The following NADK2 variants were observed in gnomAD, a reference collection of about 807,000 sequenced individuals.
NADK2 encodes NAD kinase 2, mitochondrial.
NADK2 carries 35 observed loss-of-function variants against 62.1 expected under a neutral mutation model. The observed-to-expected ratio is 0.56, with a 90% confidence interval of 0.43 to 0.75. The LOEUF is 0.75. NADK2 is among the 30% of genes least tolerant of loss of function. The pLI, the probability that NADK2 is intolerant of heterozygous loss-of-function variation, is 0.00. For missense variants in NADK2, 439 were observed against 561.3 expected (o/e 0.78, Z 2.20); for synonymous variants, 205 against 207.9 (o/e 0.99, Z 0.12).
In NADK2 at chr5:36,241,741, C is replaced by T. The variant is rs1748140962; in HGVS notation, c.58G>A (p.Ala20Thr). ...GSCCRVAGGRAAALRGPGAGG... is the reference protein window; with the variant it reads ...GSCCRVAGGRTAALRGPGAGG... ...GCACCCGGTCCCCGCAGCGCCGCCG[C>T]CCGGCCGCCCGCCACGCGACAACAG... is the stretch of plus-strand genomic sequence containing the variant. The change falls in exon 1 of 12, where the codon GCG (alanine) becomes ACG (threonine). Residue 20 changes from alanine to threonine, a missense_variant. Ala to Thr is a moderately conservative substitution (Grantham distance 58). Transcript: ENST00000381937. This position sits in a 1 kb window ranked among gnomAD's most constrained non-coding sequence, Gnocchi z 4.9. 2 of 1,292,916 alleles carry T rather than the reference C, an allele frequency of 1.5e-6. No individual in the cohort carries two copies. Among genetic ancestry groups the T allele is most frequent in the African/African-American group, 1.6e-5 (1 of 63,878 alleles). The allele number at this position is 1,292,916 out of a possible 1,614,324, so 80.1% of individuals were successfully genotyped here. A position where few individuals can be genotyped will look rare whatever the true frequency, so the allele number is the denominator to read the frequency against.
chr5:36,231,664 A>G (rs1250457409), intron 1 of NADK2, among the ~76,000 whole-genome samples: 1 of 152,198 alleles, frequency 6.6e-6, no homozygotes, highest in Admixed American at 6.5e-5. Flanking sequence ...AAGTCCAATA[A>G]TTATATTTGT....
In NADK2 at chr5:36,241,712, T is replaced by A; in HGVS notation, c.87A>T (p.Gly29=). 8.7e-7 allele frequency: 1 copy of A among 1,144,362 alleles called. No individual in the cohort carries two copies. The highest frequency in any genetic ancestry group is 1.1e-6 in the Non-Finnish European group (1 of 935,994). 70.9% of individuals were successfully genotyped at this position (1,144,362 alleles called of 1,614,324 possible). A position where few individuals can be genotyped will look rare whatever the true frequency, so the allele number is the denominator to read the frequency against. ...CCAGCCGGGGCCGCGCGGCGGGGCC[T>A]CCCGCACCCGGTCCCCGCAGCGCCG... is the stretch of plus-strand genomic sequence containing the variant. The part of the protein sequence containing the change: ...RAAALRGPGA[G]GPAARPRLGG... Residue 29 remains glycine (G), a synonymous_variant, in exon 1 of 12, where the codon GGA becomes GGT. Transcript: ENST00000381937. This position sits in a 1 kb window ranked among gnomAD's most constrained non-coding sequence, Gnocchi z 4.9.
chr5:36,196,819 T>C (rs1323001966), intron 11 of NADK2, among the ~76,000 whole-genome samples: 1 of 152,128 alleles, frequency 6.6e-6, no homozygotes, highest in Non-Finnish European at 1.5e-5. Flanking sequence ...AAATTAACTC[T>C]CAAATGACAA....
In NADK2 at chr5:36,239,316, T is replaced by C. The variant is rs182339855; in HGVS notation, c.300+2183A>G. ...TCTTTGGCCTGTTAATAATCTCTCA[T>C]CTGGTCTACAACTAATGCTATTGCA... On this transcript the variant is annotated intron_variant, in intron 1 of 11. Coordinates refer to ENST00000381937, the MANE Select transcript of NADK2 (RefSeq NM_001085411.3). 4.9e-3 allele frequency among the ~76,000 whole-genome samples: 745 copies of C among 152,350 alleles called. 3 individuals carry two copies. Among genetic ancestry groups the C allele is most frequent in the Non-Finnish European group, 7.3e-3 (495 of 68,030 alleles).
At chr5:36,235,973 T>G (rs1264405881) in intron 1 of NADK2, among the ~76,000 whole-genome samples, 1 of 151,790 alleles carries the variant, frequency 6.6e-6, no homozygotes, top group Non-Finnish European at 1.5e-5. Flanking sequence ...ATTATATATT[T>G]CCGTTGTACA....
chr5:36,241,750 C>T lies in NADK2; in HGVS notation c.49G>A (p.Gly17Ser). Residue 17 changes from glycine (G) to serine (S), a missense_variant, in exon 1 of 12, where the codon GGC becomes AGC. By Grantham distance (56) the Gly-to-Ser change is moderately conservative (BLOSUM62 0). Transcript: ENST00000381937. This position sits in a 1 kb window ranked among gnomAD's most constrained non-coding sequence, Gnocchi z 4.9. Reference sequence around the variant, plus strand: ...CCCCGCAGCGCCGCCGCCCGGCCGCCCGCCACGCGACAACAGCTGCCCAGC... The same window carrying T: ...CCCCGCAGCGCCGCCGCCCGGCCGCTCGCCACGCGACAACAGCTGCCCAGC... ...FLLGSCCRVAGGRAAALRGPG... is the reference protein window; with the variant it reads ...FLLGSCCRVASGRAAALRGPG... 7.6e-7 allele frequency: 1 copy of T among 1,311,740 alleles called. No homozygotes were observed. The highest frequency in any genetic ancestry group is 9.7e-7 in the Non-Finnish European group (1 of 1,026,356). The allele number at this position is 1,311,740 out of a possible 1,614,324, so 81.3% of individuals were successfully genotyped here.
intron 8 of NADK2, among the ~76,000 whole-genome samples, chr5:36,206,311 TA>T (rs11397432): frequency 5.5e-4 from 79 of 144,564 alleles, no homozygotes; most frequent in African/African-American, 1.2e-3. Context: ...TTTTTAAAGT[TA>T]AAAAAAAAAA....
chr5:36,214,763 C>A (rs1746981379), intron 6 of NADK2, among the ~76,000 whole-genome samples: 1 of 152,266 alleles, frequency 6.6e-6, no homozygotes, highest in Admixed American at 6.5e-5. Context: ...GAGGATCCAA[C>A]AGAAGACTCA....
At chr5:36,206,479 T>C (rs1746643214) in intron 8 of NADK2, among the ~76,000 whole-genome samples, 1 of 151,596 alleles carries the variant, frequency 6.6e-6, no homozygotes, top group Non-Finnish European at 1.5e-5. Context: ...TAATAGGATT[T>C]AGAGACTGGG....
intron 4 of NADK2, among the ~76,000 whole-genome samples, chr5:36,223,343 A>C (rs1747346703): frequency 6.6e-6 from 1 of 152,178 alleles, no homozygotes; most frequent in African/African-American, 2.4e-5. Flanking sequence ...TGGAAGCAAG[A>C]AGATCAGTGT....
In NADK2 at chr5:36,196,675, G is replaced by A. The variant is rs139996248; in HGVS notation, c.1190+866C>T. Reference sequence around the variant, plus strand: ...GTTGTTATAGTGCTTTTTATGACATGTTTAAGAAATCTTTTCCATGTCAAA... The same window carrying A: ...GTTGTTATAGTGCTTTTTATGACATATTTAAGAAATCTTTTCCATGTCAAA... On this transcript the variant is annotated intron_variant, in intron 11 of 11. Coordinates refer to ENST00000381937, the MANE Select transcript of NADK2 (RefSeq NM_001085411.3). 3.6e-3 allele frequency among the ~76,000 whole-genome samples: 546 copies of A among 152,178 alleles called. 4 individuals are homozygous for A. Among genetic ancestry groups the A allele is most frequent in the African/African-American group, 0.013 (524 of 41,534 alleles).
rs1561062678 is a variant in NADK2 at position 36,211,894 on chromosome 5, C to G, written c.810G>C (p.Leu270=). Residue 270 remains leucine (L), a synonymous_variant, in exon 7 of 12, where the codon CTG becomes CTC. Coordinates refer to ENST00000381937, the MANE Select transcript of NADK2 (RefSeq NM_001085411.3). The part of the protein sequence containing the change: ...ERSEASGPQL[L]PVRALNEVFI... ...AGACTTCATTTAGTGCTCTCACTGGCAGAAGTTGGGGTCCTGAAGCCTCAG... is the reference window on the plus strand; with the variant it reads ...AGACTTCATTTAGTGCTCTCACTGGGAGAAGTTGGGGTCCTGAAGCCTCAG... 2 of 1,613,502 alleles carry G rather than the reference C, an allele frequency of 1.2e-6. No individual in the cohort carries two copies. The highest frequency in any genetic ancestry group is 1.7e-6 in the Non-Finnish European group (2 of 1,179,674).
chr5:36,203,668 G>A (rs1247959685), intron 8 of NADK2, among the ~76,000 whole-genome samples: 1 of 152,060 alleles, frequency 6.6e-6, no homozygotes, highest in African/African-American at 2.4e-5. Flanking sequence ...CAACTACTGG[G>A]TGCATGTGGG....
chr5:36,195,969 T>C (rs534945365), intron 11 of NADK2, among the ~76,000 whole-genome samples: 19 of 135,168 alleles, frequency 1.4e-4, no homozygotes, highest in Non-Finnish European at 1.9e-4. Flanking sequence ...GTACATGTAA[T>C]AGTAATAGTA....
In NADK2 at chr5:36,241,523, G is replaced by A. The variant is rs1579648893; in HGVS notation, c.276C>T (p.Leu92=). ...FEQQRYRYAE[L]SEEDLKQLLA... ...CCAGCTGCTTCAGGTCCTCCTCCGA[G>A]AGCTCCGCGTAACGGTACCGCTGCT... The change falls in exon 1 of 12, where the codon CTC becomes CTT. Residue 92 remains leucine (L), a synonymous_variant. Transcript: ENST00000381937. The surrounding 1 kb of genome is among the most constrained non-coding windows in gnomAD (Gnocchi z 4.9). 2.6e-6 allele frequency: 4 copies of A among 1,566,750 alleles called. No individual in the cohort carries two copies. In the Admixed American group the frequency reaches 5.2e-5, roughly 21 times the overall value.
At chr5:36,211,708 T>C (rs1359476854) in intron 7 of NADK2, 136 bp downstream of exon 7, 15 of 709,050 alleles carry the variant, frequency 2.1e-5, no homozygotes, top group Non-Finnish European at 3.6e-5. Flanking sequence ...GTTTTGGAAA[T>C]ATTTCATTAA....
intron 8 of NADK2, among the ~76,000 whole-genome samples, chr5:36,203,131 A>G (rs1746507722): frequency 1.3e-5 from 2 of 152,124 alleles, no homozygotes; most frequent in Non-Finnish European, 2.9e-5. Context: ...CGACTTCACC[A>G]TTTATTAGCC....
intron 4 of NADK2, chr5:36,221,695 A>G (rs546545831): frequency 3.9e-5 from 6 of 152,360 alleles, no homozygotes; most frequent in South Asian, 4.1e-4. Context: ...AGAGATGACA[A>G]TATTAACAAT....
chr5:36,241,585 C>A lies in NADK2; in HGVS notation c.214G>T (p.Val72Leu). Residue 72 changes from valine to leucine, a missense_variant, in exon 1 of 12, where the codon GTG (valine) becomes TTG (leucine). Physicochemically the swap from Val to Leu is conservative, Grantham distance 32. Transcript: ENST00000381937. The surrounding 1 kb of genome is among the most constrained non-coding windows in gnomAD (Gnocchi z 4.9). ...ADGGFRPSRV[V>L]VVAKTTRYEF... ...TACCGGGTGGTTTTGGCCACCACCA[C>A]CACCCGGGAGGGGCGGAAGCCGCCG... The A allele has an allele frequency of 6.5e-7, 1 of 1,533,442 alleles. No homozygotes were observed. Among genetic ancestry groups the A allele is most frequent in the Non-Finnish European group, 8.7e-7 (1 of 1,150,364 alleles). 95.0% of individuals were successfully genotyped at this position (1,533,442 alleles called of 1,614,324 possible).
Sources: gnomAD v4.1 joint callset for allele counts (sites outside exome capture counted in the v4.1 genomes callset) on GRCh38, gnomAD v4.1.1 for gene constraint, Gnocchi (gnomAD v3.1) non-coding constraint, MANE v1.5 for transcripts, NCBI Gene and HGNC (gene_info 2026-07-23, HGNC 2026-07-21) for gene names.